The following PSMD11 variants were observed in gnomAD, a reference collection of about 807,000 sequenced individuals.
PSMD11 encodes proteasome 26S subunit, non-ATPase 11.
A neutral mutation model predicts 62.3 loss-of-function variants in PSMD11; 5 were observed. The ratio of observed to expected loss-of-function variants is 0.08; its 90% CI spans 0.04 to 0.17. The LOEUF is 0.17. PSMD11 is among the 10% of genes least tolerant of loss of function. PSMD11 has a pLI of 1.00. For synonymous variants in PSMD11, 191 were observed against 191.8 expected (o/e 1.00, Z 0.03); for missense variants, 310 against 512.9 (o/e 0.60, Z 3.82).
chr17:32,455,469 A>G (rs1434841457), intron 3 of PSMD11, among the ~76,000 whole-genome samples: 1 of 152,184 alleles, frequency 6.6e-6, no homozygotes, highest in Admixed American at 6.5e-5. Context: ...TAAGGGCAGA[A>G]TTGCTAGTTG....
chr17:32,473,014 C>T (rs552482178), intron 6 of PSMD11, among the ~76,000 whole-genome samples: 51 of 150,094 alleles, frequency 3.4e-4, no homozygotes, highest in Admixed American at 5.9e-4. Context: ...AAAAATTAGC[C>T]GGGCGTGGTA....
intron 2 of PSMD11, among the ~76,000 whole-genome samples, chr17:32,454,208 A>G (rs1360168547): frequency 6.6e-6 from 1 of 152,244 alleles, no homozygotes; most frequent in East Asian, 1.9e-4. Context: ...TTTGCTGTTT[A>G]TCTTTCATTA....
At position 32,469,077 on chromosome 17, in the gene PSMD11, C is replaced by T. The variant is rs1908081304; in HGVS notation, c.527C>T (p.Thr176Ile). ...GAAGTACAGCTTTTAGAAAGCAAAACATACCATGCCCTGAGCAACCTGCCG... is the reference window on the plus strand; with the variant it reads ...GAAGTACAGCTTTTAGAAAGCAAAATATACCATGCCCTGAGCAACCTGCCG... ...LVEVQLLESK[T>I]YHALSNLPKA... Residue 176 changes from threonine (T) to isoleucine (I), a missense_variant, in exon 6 of 14, where the codon ACA becomes ATA. Transcript: ENST00000261712. 6.2e-7 allele frequency: 1 copy of T among 1,613,974 alleles called. No individual in the cohort carries two copies. Among genetic ancestry groups the T allele is most frequent in the Non-Finnish European group, 8.5e-7 (1 of 1,180,028 alleles).
chr17:32,453,029 T>G (rs1907553162), intron 2 of PSMD11, among the ~76,000 whole-genome samples: 1 of 152,222 alleles, frequency 6.6e-6, no homozygotes, highest in African/African-American at 2.4e-5. Context: ...GATTTGTGTT[T>G]TGTGTTTCAA....
rs556984757 is a variant in PSMD11, at chr17:32,447,098, T to G, written c.193+52T>G. 1.4e-5 allele frequency: 20 copies of G among 1,394,932 alleles called. No homozygotes were observed. In the East Asian group the frequency reaches 4.5e-4, roughly 31 times the overall value. The allele number at this position is 1,394,932 out of a possible 1,614,324, so 86.4% of individuals were successfully genotyped here. On this transcript the variant is annotated intron_variant, in intron 2 of 13. Transcript: ENST00000261712. Reference sequence around the variant, plus strand: ...GAAATGCTCAGTGAAATTCCTGTCTTTTGTTGGAGTGAAGAATCATGGGAC... The same window carrying G: ...GAAATGCTCAGTGAAATTCCTGTCTGTTGTTGGAGTGAAGAATCATGGGAC...
intron 8 of PSMD11, chr17:32,476,987 A>C (rs1198153283): frequency 6.6e-6 from 1 of 152,520 alleles, no homozygotes; most frequent in East Asian, 1.9e-4. Flanking sequence ...CCTGAACCTC[A>C]AGTGATCTGC....
Position 32,480,473 on chromosome 17 carries a change from C to T in PSMD11, c.1127-16C>T. 6.2e-7 allele frequency: 1 copy of T among 1,614,104 alleles called. No homozygotes were observed. Among genetic ancestry groups the T allele is most frequent in the Non-Finnish European group, 8.5e-7 (1 of 1,179,984 alleles). ...AACCTCATCTTTTACCTGGGTTGCC[C>T]TTGTGTTTCTTGCAGGGATTTTGGA... On this transcript the variant is annotated splice_polypyrimidine_tract_variant and intron_variant, in intron 12 of 13. Coordinates refer to ENST00000261712, the MANE Select transcript of PSMD11 (RefSeq NM_002815.4).
At chr17:32,450,889 T>C (rs574423977) in intron 2 of PSMD11, among the ~76,000 whole-genome samples, 21 of 151,560 alleles carry the variant, frequency 1.4e-4, no homozygotes, top group African/African-American at 4.6e-4. Context: ...GCAAAGACCC[T>C]ATCTCTGTTA....
intron 3 of PSMD11, among the ~76,000 whole-genome samples, chr17:32,462,254 T>C (rs1462571765): frequency 2.0e-5 from 3 of 152,204 alleles, no homozygotes; most frequent in Non-Finnish European, 4.4e-5. Flanking sequence ...TGGGTAAAAC[T>C]GTGGGGGGCA....
chr17:32,462,905 C>G (rs774545165), intron 3 of PSMD11, among the ~76,000 whole-genome samples: 1 of 152,194 alleles, frequency 6.6e-6, no homozygotes, highest in Non-Finnish European at 1.5e-5. Flanking sequence ...TCAGGCTGGT[C>G]TTGAACTCCC....
At chr17:32,456,143 C>CA (rs551469411) in intron 3 of PSMD11, among the ~76,000 whole-genome samples, 2,925 of 57,568 alleles carry the variant, frequency 0.051, 153 homozygotes, top group African/African-American at 0.11. Context: ...GACTCTGTCT[C>CA]AAAAAAAAAA....
chr17:32,463,372 T>G (rs921897811), intron 3 of PSMD11: 1 of 152,232 alleles, frequency 6.6e-6, no homozygotes, highest in Admixed American at 6.5e-5. Flanking sequence ...AAAAAATTTT[T>G]TTTAAGACTA....
chr17:32,470,293 C>G (rs1376672355), intron 6 of PSMD11, among the ~76,000 whole-genome samples: 1 of 151,912 alleles, frequency 6.6e-6, no homozygotes, highest in Admixed American at 6.6e-5. Context: ...GCATGAGCCA[C>G]CATGCCTGGC....
chr17:32,453,774 A>G (rs1907571683), intron 2 of PSMD11, among the ~76,000 whole-genome samples: 1 of 152,180 alleles, frequency 6.6e-6, no homozygotes, highest in South Asian at 2.1e-4. Context: ...GTTTCAAAAG[A>G]TGTTTCTTTA....
intron 3 of PSMD11, among the ~76,000 whole-genome samples, chr17:32,460,561 T>C (rs994827632): frequency 7.9e-5 from 12 of 152,072 alleles, no homozygotes; most frequent in Non-Finnish European, 1.3e-4. Context: ...ATTGTGAGGT[T>C]AGGAGATCGA....
chr17:32,472,830 C>G (rs1011389683), intron 6 of PSMD11, among the ~76,000 whole-genome samples: 2 of 149,794 alleles, frequency 1.3e-5, no homozygotes, highest in Non-Finnish European at 3.0e-5. Flanking sequence ...AGCCACCATG[C>G]CCGGCCTTTT....
chr17:32,472,358 G>T (rs746338626), intron 6 of PSMD11, among the ~76,000 whole-genome samples: 6 of 151,752 alleles, frequency 4.0e-5, no homozygotes, highest in African/African-American at 9.7e-5. Flanking sequence ...GAGTAGCTGG[G>T]ATTACAGGCA....
At position 32,454,529 on chromosome 17, in the gene PSMD11, C is replaced by T. The variant is rs772006275; in HGVS notation, c.228C>T (p.Phe76=). 6.2e-6 allele frequency: 10 copies of T among 1,613,988 alleles called. No individual in the cohort carries two copies. The highest frequency in any genetic ancestry group is 1.3e-5 in the African/African-American group (1 of 75,040). Residue 76 remains phenylalanine, a synonymous_variant, in exon 3 of 14, where the codon TTC becomes TTT. Coordinates refer to ENST00000261712, the MANE Select transcript of PSMD11 (RefSeq NM_002815.4). ...GACTCCTGAAGTATGTACGACCCTT[C>T]TTGAATTCCATCAGCAAGGCTAAAG... ...LGGLLKYVRP[F]LNSISKAKAA...
chr17:32,456,214 G>A (rs1337354654), intron 3 of PSMD11, among the ~76,000 whole-genome samples: 1 of 149,800 alleles, frequency 6.7e-6, no homozygotes, highest in African/African-American at 2.5e-5. Flanking sequence ...CCTTAAAATA[G>A]ACTGATCAGT....
Sources: allele counts gnomAD v4.1 joint callset (sites outside exome capture counted in the v4.1 genomes callset), GRCh38; gene constraint gnomAD v4.1.1; transcripts MANE v1.5; gene names NCBI Gene and HGNC (gene_info 2026-07-23, HGNC 2026-07-21).